JAKMIP1: variants seen among roughly 807,000 people sequenced by gnomAD.
JAKMIP1 encodes janus kinase and microtubule interacting protein 1, also known as janus kinase and microtubule-interacting protein 1.
JAKMIP1 carries 33 observed loss-of-function variants against 113.0 expected under a neutral mutation model. The observed-to-expected ratio is 0.29, with a 90% CI of 0.22 to 0.39. The LOEUF (loss-of-function observed/expected upper bound fraction) is 0.39. Among genes scored for constraint, JAKMIP1 ranks in the 10% least tolerant of loss-of-function variants. JAKMIP1 has a pLI of 1.00. For missense variants in JAKMIP1, 813 were observed against 1,080.5 expected (o/e 0.75, Z 3.47); for synonymous variants, 480 against 459.9 (o/e 1.04, Z -0.56).
In JAKMIP1 at chr4:6,049,361, T is replaced by A. The variant is rs1715379224; in HGVS notation, c.1963-439A>T. Among the ~76,000 whole-genome samples, 1 of 152,174 alleles carries A rather than the reference T, an allele frequency of 6.6e-6. No homozygotes were observed. Among genetic ancestry groups the A allele is most frequent in the African/African-American group, 2.4e-5 (1 of 41,438 alleles). On this transcript the variant is annotated intron_variant, in intron 15 of 20. Transcript: ENST00000409021. The surrounding 1 kb of genome is among the most constrained non-coding windows in gnomAD (Gnocchi z 7.0). ...AACACCAAGCGACTTTCCTAGCTTC[T>A]CTCTGAGCTGCACCCGAGGGTCAGC...
intron 18 of JAKMIP1, among the ~76,000 whole-genome samples, chr4:6,038,738 C>G (rs1473735303): frequency 6.6e-6 from 1 of 152,248 alleles, no homozygotes; most frequent in African/African-American, 2.4e-5. Context: ...CCTGGCAGAG[C>G]TGCGGGGCCC....
Position 6,064,195 on chromosome 4 carries a change from T to C in JAKMIP1, c.1431+685A>G, listed in dbSNP as rs75795670. On this transcript the variant is annotated intron_variant, in intron 9 of 20. Transcript: ENST00000409021. This position sits in a 1 kb window ranked among gnomAD's most constrained non-coding sequence, Gnocchi z 4.3. ...TGTTTAGGAAATTAATCAAATGTGA[T>C]TATTCCCATCACTGGAAGGCATAGA... is the stretch of plus-strand genomic sequence containing the variant. 5.2e-4 allele frequency among the ~76,000 whole-genome samples: 79 copies of C among 152,320 alleles called. No individual in the cohort carries two copies. Among genetic ancestry groups the C allele is most frequent in the African/African-American group, 1.8e-3 (74 of 41,568 alleles).
intron 1 of JAKMIP1, among the ~76,000 whole-genome samples, chr4:6,164,508 G>T (rs1378933764): frequency 6.6e-6 from 1 of 152,202 alleles, no homozygotes; most frequent in African/African-American, 2.4e-5. Context: ...CATGGATCAA[G>T]AAATAATTTT....
At chr4:6,126,306 A>AAC (rs200402377) in intron 1 of JAKMIP1, among the ~76,000 whole-genome samples, 2 of 116,848 alleles carry the variant, frequency 1.7e-5, no homozygotes, top group South Asian at 2.9e-4. Flanking sequence ...ACCATACAGA[A>AAC]ACACACACAC....
rs530747387 is a variant in JAKMIP1, at chr4:6,089,574, T to C, written c.625-3945A>G. On this transcript the variant is annotated intron_variant, in intron 3 of 20. Transcript: ENST00000409021. This position sits in a 1 kb window ranked among gnomAD's most constrained non-coding sequence, Gnocchi z 5.3. ...AGAACCATGACTCAAGTGCAGATTG[T>C]ACTCTCCAAGCCCTCCCTGTCCCCT... Among the ~76,000 whole-genome samples the C allele has an allele frequency of 2.6e-5, 4 of 152,210 alleles. No individual in the cohort carries two copies. Among genetic ancestry groups the C allele is most frequent in the Non-Finnish European group, 5.9e-5 (4 of 68,022 alleles).
At chr4:6,055,136 C>G (rs1329674783) in intron 12 of JAKMIP1, among the ~76,000 whole-genome samples, 2 of 152,178 alleles carry the variant, frequency 1.3e-5, no homozygotes, top group African/African-American at 4.8e-5. Flanking sequence ...CAGGTTCCTC[C>G]AGTCCTGGTG....
intron 1 of JAKMIP1, among the ~76,000 whole-genome samples, chr4:6,133,933 G>A (rs1018125273): frequency 6.6e-6 from 1 of 152,214 alleles, no homozygotes; most frequent in African/African-American, 2.4e-5. Context: ...GAGGGGGCTG[G>A]ATCCCTGAAT....
In JAKMIP1 at chr4:6,167,964, G is replaced by A. The variant is rs970392366; in HGVS notation, c.-148+32289C>T. On this transcript the variant is annotated intron_variant, in intron 1 of 20. Transcript: ENST00000409021. This position sits in a 1 kb window ranked among gnomAD's most constrained non-coding sequence, Gnocchi z 5.3. ...GAGCTGACAGCATGCAGACAATGAGGAGTCCGCCCATCCTCCACATCACCC... is the reference window on the plus strand; with the variant it reads ...GAGCTGACAGCATGCAGACAATGAGAAGTCCGCCCATCCTCCACATCACCC... Among the ~76,000 whole-genome samples, 6 of 152,174 alleles carry A rather than the reference G, an allele frequency of 3.9e-5. No homozygotes were observed. Among genetic ancestry groups the A allele is most frequent in the African/African-American group, 9.7e-5 (4 of 41,448 alleles).
chr4:6,160,905 AACCTCCCCGATCTCCACTC>A (rs529626973), intron 1 of JAKMIP1, among the ~76,000 whole-genome samples: 15 of 114,708 alleles, frequency 1.3e-4, no homozygotes, highest in South Asian at 9.0e-4. Flanking sequence ...GACCTCCACT[AACCTCCCCGATCTCCACTC>A]ACCTCCCCGA....
In JAKMIP1 at chr4:6,069,614, A is replaced by G. The variant is rs115862515; in HGVS notation, c.1303-4606T>C. 0.011 allele frequency among the ~76,000 whole-genome samples: 1,639 copies of G among 152,230 alleles called. 29 individuals carry two copies. Among genetic ancestry groups the G allele is most frequent in the African/African-American group, 0.037 (1,554 of 41,526 alleles). ...AAGTTATTTAAAAAGTTAGCCGAGTATGGTGGCTGACGCCTGTAGTCCCAG... is the reference window on the plus strand; with the variant it reads ...AAGTTATTTAAAAAGTTAGCCGAGTGTGGTGGCTGACGCCTGTAGTCCCAG... On this transcript the variant is annotated intron_variant, in intron 8 of 20. Transcript: ENST00000409021. The surrounding 1 kb of genome is among the most constrained non-coding windows in gnomAD (Gnocchi z 4.5).
At chr4:6,127,509 C>T (rs1356209076) in intron 1 of JAKMIP1, among the ~76,000 whole-genome samples, 1 of 152,214 alleles carries the variant, frequency 6.6e-6, no homozygotes, top group Non-Finnish European at 1.5e-5. Context: ...GCCTCAGGCT[C>T]CCTGGCAAAT....
intron 9 of JAKMIP1, among the ~76,000 whole-genome samples, chr4:6,063,380 GT>G (rs1717588924): frequency 6.6e-6 from 1 of 152,202 alleles, no homozygotes; most frequent in African/African-American, 2.4e-5. Context: ...CACGCATCCT[GT>G]TTTAAGTTAA....
At chr4:6,110,782 G>A (rs1334516196) in intron 2 of JAKMIP1, among the ~76,000 whole-genome samples, 1 of 150,560 alleles carries the variant, frequency 6.6e-6, no homozygotes, top group South Asian at 2.2e-4. Context: ...CAGGGGTGGT[G>A]GTGGAGAGGG....
In JAKMIP1 at chr4:6,194,478, GA is replaced by G. The variant is rs1560358851; in HGVS notation, c.-148+5774del. ...GAAGCTCCAAGGGTAAAAGATAGTG[GA>G]AAGCTACTTACCAGCTCACTCCTTG... is the stretch of plus-strand genomic sequence containing the variant. On this transcript the variant is annotated intron_variant, in intron 1 of 20. Transcript: ENST00000409021. This position sits in a 1 kb window ranked among gnomAD's most constrained non-coding sequence, Gnocchi z 7.4. The G allele has an allele frequency of 6.6e-6, 1 of 152,084 alleles. No individual in the cohort carries two copies. The highest frequency in any genetic ancestry group is 1.5e-5 in the Non-Finnish European group (1 of 68,088). The allele number at this position is 152,084 out of a possible 1,614,324, so 9.4% of individuals were successfully genotyped here. A position where few individuals can be genotyped will look rare whatever the true frequency, so the allele number is the denominator to read the frequency against.
chr4:6,078,264 G>A (rs1289573035), intron 8 of JAKMIP1, among the ~76,000 whole-genome samples: 2 of 150,674 alleles, frequency 1.3e-5, no homozygotes, highest in Non-Finnish European at 2.9e-5. Flanking sequence ...GCAGTGAGCC[G>A]AGATGGTGTC....
intron 1 of JAKMIP1, among the ~76,000 whole-genome samples, chr4:6,120,039 T>C (rs1716471995): frequency 6.6e-6 from 1 of 152,204 alleles, no homozygotes; most frequent in African/African-American, 2.4e-5. Context: ...AAGAAGTCTT[T>C]GTAACACTTC....
Position 6,088,401 on chromosome 4 carries a change from T to C in JAKMIP1, c.625-2772A>G, listed in dbSNP as rs1721596736. On this transcript the variant is annotated intron_variant, in intron 3 of 20. Coordinates refer to ENST00000409021, the MANE Select transcript of JAKMIP1 (RefSeq NM_001099433.2). The surrounding 1 kb of genome is among the most constrained non-coding windows in gnomAD (Gnocchi z 5.5). ...CTGCCCCTCAGTATCAGCTTTGCAG[T>C]GAAGCCCCCGCCACTGCCTTCCACT... 6.6e-6 allele frequency among the ~76,000 whole-genome samples: 1 copy of C among 152,112 alleles called. No homozygotes were observed. Among genetic ancestry groups the C allele is most frequent in the Admixed American group, 6.5e-5 (1 of 15,276 alleles).
chr4:6,035,788 C>T (rs967125178), intron 19 of JAKMIP1, 116 bp downstream of exon 19: 14 of 884,184 alleles, frequency 1.6e-5, no homozygotes, highest in Non-Finnish European at 2.3e-5. Flanking sequence ...CTTGCTTTAC[C>T]ACCAACTCTC....
chr4:6,040,766 A>G lies in JAKMIP1; in HGVS notation c.2098-50T>C, dbSNP rs772345364. 3.4e-6 allele frequency: 5 copies of G among 1,463,268 alleles called. No homozygotes were observed. The highest frequency in any genetic ancestry group is 1.8e-4 in the Middle Eastern group (1 of 5,526). The allele number at this position is 1,463,268 out of a possible 1,614,324, so 90.6% of individuals were successfully genotyped here. A position where few individuals can be genotyped will look rare whatever the true frequency, so the allele number is the denominator to read the frequency against. On this transcript the variant is annotated intron_variant, in intron 17 of 20. Coordinates refer to ENST00000409021, the MANE Select transcript of JAKMIP1 (RefSeq NM_001099433.2). The surrounding 1 kb of genome is among the most constrained non-coding windows in gnomAD (Gnocchi z 5.8). ...GGGACCAGCGTCAGAACAGGAATCCATGACAGCTTCAGAGCCCGTTTGCTA... is the reference window on the plus strand; with the variant it reads ...GGGACCAGCGTCAGAACAGGAATCCGTGACAGCTTCAGAGCCCGTTTGCTA...
Sources: gnomAD v4.1 joint callset for allele counts (sites outside exome capture counted in the v4.1 genomes callset) on GRCh38, gnomAD v4.1.1 for gene constraint, Gnocchi (gnomAD v3.1) non-coding constraint, MANE v1.5 for transcripts, NCBI Gene and HGNC (gene_info 2026-07-23, HGNC 2026-07-21) for gene names.